SNTG1: variants seen among roughly 807,000 people sequenced by gnomAD.
SNTG1 encodes the protein gamma-1-syntrophin.
A neutral mutation model predicts 74.7 loss-of-function variants in SNTG1; 39 were observed. The ratio of observed to expected loss-of-function variants is 0.52; its 90% CI spans 0.40 to 0.68. The LOEUF is 0.68. Among genes scored for constraint, SNTG1 ranks in the 30% least tolerant of loss-of-function variants. SNTG1 has a pLI of 0.00. For synonymous variants in SNTG1, 254 were observed against 217.1 expected, an observed-to-expected ratio of 1.17 and a Z score of -1.49; for missense variants, 685 against 609.5, an observed-to-expected ratio of 1.12 and a Z score of -1.30.
intron 2 of SNTG1, among the ~76,000 whole-genome samples, chr8:50,345,118 C>A (rs1278693511): frequency 2.0e-5 from 3 of 152,154 alleles, no homozygotes; most frequent in Admixed American, 6.5e-5. Flanking sequence ...TTGAGCCACC[C>A]AGCCTGTGTT....
At chr8:50,520,990 G>A (rs1201452423) in intron 9 of SNTG1, among the ~76,000 whole-genome samples, 1 of 152,064 alleles carries the variant, frequency 6.6e-6, no homozygotes, top group African/African-American at 2.4e-5. Context: ...TATTGCAGCA[G>A]TATTTACAAT....
intron 18 of SNTG1, among the ~76,000 whole-genome samples, chr8:50,774,489 G>T (rs1178281968): frequency 6.6e-6 from 1 of 151,588 alleles, no homozygotes; most frequent in African/African-American, 2.4e-5. Context: ...CATATAAGAG[G>T]TTCTTATTTA....
intron 17 of SNTG1, among the ~76,000 whole-genome samples, chr8:50,742,237 A>G (rs1188112259): frequency 6.6e-6 from 1 of 152,058 alleles, no homozygotes. Flanking sequence ...TCTGAAGGGC[A>G]CATGGGACAT....
intron 18 of SNTG1, among the ~76,000 whole-genome samples, chr8:50,789,888 T>G (rs1368670242): frequency 1.3e-5 from 2 of 152,004 alleles, no homozygotes; most frequent in Non-Finnish European, 2.9e-5. Flanking sequence ...TTTTCTTTGA[T>G]CTCATTGTCT....
chr8:50,034,639 C>G (rs1302548513), intron 1 of SNTG1, among the ~76,000 whole-genome samples: 2 of 152,106 alleles, frequency 1.3e-5, no homozygotes, highest in African/African-American at 4.8e-5. Context: ...AATATTTTGG[C>G]TTCCCTGGGC....
chr8:50,533,073 G>A (rs1351017616), intron 10 of SNTG1, among the ~76,000 whole-genome samples: 6 of 152,056 alleles, frequency 3.9e-5, no homozygotes, highest in Non-Finnish European at 5.9e-5. Flanking sequence ...CTAAAGATGC[G>A]CGACATCACT....
rs139402512 is a variant in SNTG1 at position 50,178,409 on chromosome 8, G to GCA, written c.-28+5791_-28+5792dup. Among the ~76,000 whole-genome samples the GCA allele has an allele frequency of 5.7e-3, 822 of 144,372 alleles. 7 individuals carry two copies. Among genetic ancestry groups the GCA allele is most frequent in the African/African-American group, 0.012 (457 of 39,102 alleles). The allele number at this position is 144,372 out of a possible 152,430, so 94.7% of individuals were successfully genotyped here. On this transcript the variant is annotated intron_variant, in intron 2 of 18. Transcript: ENST00000642720. Reference sequence around the variant, plus strand: ...TCTCTCTCTTCACACACGTGCGCGCGCACACACACACACACACAGGGATAG... The same window carrying GCA: ...TCTCTCTCTTCACACACGTGCGCGCGCACACACACACACACACACAGGGATAG...
intron 8 of SNTG1, among the ~76,000 whole-genome samples, chr8:50,491,993 T>C (rs1006154788): frequency 1.3e-5 from 2 of 152,086 alleles, no homozygotes; most frequent in African/African-American, 4.8e-5. Context: ...GTGTTTCATT[T>C]TCTCTTCCTC....
chr8:50,720,438 A>G (rs1018740650), intron 17 of SNTG1, among the ~76,000 whole-genome samples: 2 of 152,194 alleles, frequency 1.3e-5, no homozygotes, highest in Admixed American at 1.3e-4. Context: ...ATTATGCTAC[A>G]TGACTATTGC....
intron 18 of SNTG1, among the ~76,000 whole-genome samples, chr8:50,771,129 T>G (rs1475497307): frequency 6.6e-6 from 1 of 152,060 alleles, no homozygotes; most frequent in African/African-American, 2.4e-5. Context: ...GGGTAATGAC[T>G]GGTGGCTGGA....
intron 1 of SNTG1, among the ~76,000 whole-genome samples, chr8:50,106,238 T>C (rs755698532): frequency 6.7e-4 from 102 of 152,086 alleles, no homozygotes; most frequent in South Asian, 1.2e-3. Flanking sequence ...CTTCTTCACA[T>C]AGAGGGAGGA....
chr8:50,457,617 A>G (rs1311643275), intron 8 of SNTG1, among the ~76,000 whole-genome samples: 1 of 152,200 alleles, frequency 6.6e-6, no homozygotes, highest in East Asian at 1.9e-4. Context: ...GACAGGGGGC[A>G]AGGGTTGTTG....
At chr8:50,748,794 C>A (rs1190550636) in intron 17 of SNTG1, among the ~76,000 whole-genome samples, 1 of 151,910 alleles carries the variant, frequency 6.6e-6, no homozygotes, top group East Asian at 1.9e-4. Flanking sequence ...GAACTGTGCC[C>A]ATATAAGATG....
At chr8:50,176,212 C>T (rs540586983) in intron 2 of SNTG1, among the ~76,000 whole-genome samples, 1 of 152,202 alleles carries the variant, frequency 6.6e-6, no homozygotes, top group African/African-American at 2.4e-5. Flanking sequence ...TGGCCTGCCC[C>T]TCTCTGTGTC....
At chr8:50,554,311 C>A (rs984158544) in intron 12 of SNTG1, among the ~76,000 whole-genome samples, 2 of 152,032 alleles carry the variant, frequency 1.3e-5, no homozygotes, top group African/African-American at 4.8e-5. Context: ...TCAATTTTAC[C>A]AGGCAATGCT....
chr8:49,964,650 G>GC (rs1443476513), intron 1 of SNTG1, among the ~76,000 whole-genome samples: 1 of 152,184 alleles, frequency 6.6e-6, no homozygotes, highest in African/African-American at 2.4e-5. Context: ...TGGAACAGGT[G>GC]CGTTCTACTC....
At chr8:50,180,029 C>T (rs890279543) in intron 2 of SNTG1, among the ~76,000 whole-genome samples, 2 of 152,128 alleles carry the variant, frequency 1.3e-5, no homozygotes, top group Admixed American at 6.5e-5. Context: ...TAAAACAACC[C>T]TAACTGTTCA....
Position 50,063,332 on chromosome 8 carries a change from C to T in SNTG1, c.-102-109229C>T, listed in dbSNP as rs180914686. Among the ~76,000 whole-genome samples the T allele has an allele frequency of 5.7e-3, 866 of 152,322 alleles. 4 individuals are homozygous for T. Among genetic ancestry groups the T allele is most frequent in the Non-Finnish European group, 9.0e-3 (611 of 68,038 alleles). ...GAATTCTCACGTTTGCATCACCATG[C>T]ATTTGTATATGTCACAATGGCAATT... On this transcript the variant is annotated intron_variant, in intron 1 of 18. Coordinates refer to ENST00000642720, the MANE Select transcript of SNTG1 (RefSeq NM_018967.5).
chr8:50,625,462 G>A (rs1358198745), intron 13 of SNTG1, among the ~76,000 whole-genome samples: 1 of 152,080 alleles, frequency 6.6e-6, no homozygotes, highest in African/African-American at 2.4e-5. Flanking sequence ...CATAACACAT[G>A]CATATAGCAA....
Sources: gnomAD v4.1 joint callset for allele counts (sites outside exome capture counted in the v4.1 genomes callset) on GRCh38, gnomAD v4.1.1 for gene constraint, MANE v1.5 for transcripts, NCBI Gene and HGNC (gene_info 2026-07-23, HGNC 2026-07-21) for gene names.